The following TEX9 variants were observed in gnomAD, a reference collection of about 807,000 sequenced individuals.
TEX9 encodes the protein testis-expressed protein 9.
In TEX9, 74 loss-of-function variants were observed where a neutral mutation model predicts 59.6. That is an observed-to-expected ratio of 1.24 (90% confidence interval 1.03 to 1.51). The LOEUF is 1.51. TEX9 is among the 40% of genes most tolerant of loss of function. The pLI is 0.00. For missense variants in TEX9, 522 were observed against 447.8 expected, an observed-to-expected ratio of 1.17 and a Z score of -1.49; for synonymous variants, 186 against 152.2, an observed-to-expected ratio of 1.22 and a Z score of -1.64.
At chr15:56,404,683 G>GT (rs2048980962) in intron 9 of TEX9, among the ~76,000 whole-genome samples, 1 of 152,094 alleles carries the variant, frequency 6.6e-6, no homozygotes, top group African/African-American at 2.4e-5. Flanking sequence ...ACATGCACAC[G>GT]TATGTTTATT....
At chr15:56,283,049 G>GGTGTGTGT (rs3985761) in intron 1 of TEX9, among the ~76,000 whole-genome samples, 1,488 of 148,538 alleles carry the variant, frequency 0.01, 12 homozygotes, top group African/African-American at 0.021. Flanking sequence ...TACATTGTGT[G>GGTGTGTGT]GTGTGTGTGT....
intron 1 of TEX9, among the ~76,000 whole-genome samples, chr15:56,327,428 T>C (rs988019438): frequency 5.3e-5 from 8 of 152,242 alleles, no homozygotes; most frequent in Middle Eastern, 3.4e-3. Flanking sequence ...AAGAATACCA[T>C]TGGAGGGGGT....
chr15:56,266,121 A>G (rs944098516), intron 1 of TEX9, among the ~76,000 whole-genome samples: 1 of 151,620 alleles, frequency 6.6e-6, no homozygotes. Context: ...GCTTGTCATT[A>G]TGTAATTTCT....
At chr15:56,315,913 G>A (rs555606357) in intron 1 of TEX9, among the ~76,000 whole-genome samples, 32 of 151,038 alleles carry the variant, frequency 2.1e-4, no homozygotes, top group African/African-American at 6.5e-4. Flanking sequence ...ATCTTCCATC[G>A]CTGATACCCT....
intron 9 of TEX9, among the ~76,000 whole-genome samples, chr15:56,404,685 A>G (rs2048981181): frequency 6.6e-6 from 1 of 152,344 alleles, no homozygotes; most frequent in South Asian, 2.1e-4. Flanking sequence ...ATGCACACGT[A>G]TGTTTATTGT....
intron 1 of TEX9, among the ~76,000 whole-genome samples, chr15:56,327,642 C>T (rs1235257063): frequency 6.6e-6 from 1 of 152,174 alleles, no homozygotes; most frequent in African/African-American, 2.4e-5. Flanking sequence ...CACTCCTCCC[C>T]CATGCCATCA....
chr15:56,388,967 G>A (rs1230818902), intron 5 of TEX9, among the ~76,000 whole-genome samples: 2 of 152,036 alleles, frequency 1.3e-5, no homozygotes, highest in African/African-American at 4.8e-5. Flanking sequence ...CAAGGGAACT[G>A]TATACCTGAA....
chr15:56,362,676 C>T (rs558559653), upstream of TEX9, among the ~76,000 whole-genome samples: 141 of 152,248 alleles, frequency 9.3e-4, no homozygotes, highest in East Asian at 3.9e-4. Flanking sequence ...CACTAGCGCC[C>T]CCCAAACCCT....
intron 1 of TEX9, among the ~76,000 whole-genome samples, chr15:56,289,913 T>C (rs1300370891): frequency 1.3e-5 from 2 of 152,192 alleles, no homozygotes; most frequent in African/African-American, 4.8e-5. Context: ...ACAGACATGC[T>C]CGGAGTTACA....
chr15:56,421,862 A>G (rs999286660), intron 10 of TEX9: 2 of 151,486 alleles, frequency 1.3e-5, no homozygotes, highest in Non-Finnish European at 2.9e-5. Flanking sequence ...AATTCAGTCT[A>G]TCATTGTTGG....
chr15:56,283,037 T>A (rs1345111540), intron 1 of TEX9, among the ~76,000 whole-genome samples: 3 of 138,890 alleles, frequency 2.2e-5, no homozygotes. Flanking sequence ...ATTTATAGTG[T>A]GTACATTGTG....
At chr15:56,261,587 A>T (rs1024297951) in intron 1 of TEX9, among the ~76,000 whole-genome samples, 1 of 151,992 alleles carries the variant, frequency 6.6e-6, no homozygotes, top group South Asian at 2.1e-4. Flanking sequence ...GCGCAGTAGC[A>T]TGTGCCTGTA....
intron 1 of TEX9, among the ~76,000 whole-genome samples, chr15:56,271,032 G>C (rs529918661): frequency 1.1e-4 from 17 of 152,290 alleles, no homozygotes; most frequent in Non-Finnish European, 1.9e-4. Context: ...TTCCCTTTGT[G>C]GGTAACATGA....
intron 1 of TEX9, among the ~76,000 whole-genome samples, chr15:56,255,477 T>TA (rs2044125060): frequency 6.6e-6 from 1 of 151,520 alleles, no homozygotes. Context: ...ATTTCTTTAA[T>TA]AAAAAAATCT....
At chr15:56,271,746 T>G (rs2044537418) in intron 1 of TEX9, among the ~76,000 whole-genome samples, 1 of 152,264 alleles carries the variant, frequency 6.6e-6, no homozygotes, top group Non-Finnish European at 1.5e-5. Context: ...TTTTATCATT[T>G]AAAGTAAGTT....
At position 56,272,639 on chromosome 15, in the gene TEX9, G is replaced by A. The variant is rs184284550; in HGVS notation, c.-107+28361G>A. ...TTGGGCATATACATAGGAGTAGAAC[G>A]GCTGAGTCATGTGGTAACTCTATTT... On this transcript the variant is annotated intron_variant, in intron 1 of 5. Transcript: ENST00000560827. Among the ~76,000 whole-genome samples the A allele has an allele frequency of 4.6e-5, 7 of 152,218 alleles. No individual in the cohort carries two copies. In the East Asian group the frequency reaches 7.7e-4, roughly 17 times the overall value.
At chr15:56,403,294 A>T (rs1279720887) in intron 9 of TEX9, among the ~76,000 whole-genome samples, 1 of 152,250 alleles carries the variant, frequency 6.6e-6, no homozygotes, top group African/African-American at 2.4e-5. Flanking sequence ...AAGTCTCAGG[A>T]TACAAAATCA....
intron 1 of TEX9, among the ~76,000 whole-genome samples, chr15:56,251,300 G>C (rs1178870256): frequency 6.6e-6 from 1 of 152,072 alleles, no homozygotes; most frequent in East Asian, 1.9e-4. Flanking sequence ...ATTCAGCAAA[G>C]CCTCAGGTTG....
At chr15:56,295,988 C>T (rs1355516674) in intron 1 of TEX9, among the ~76,000 whole-genome samples, 1 of 152,190 alleles carries the variant, frequency 6.6e-6, no homozygotes, top group African/African-American at 2.4e-5. Context: ...CTCTCTACCT[C>T]TGCCCACTGG....
Sources: allele counts gnomAD v4.1 joint callset (sites outside exome capture counted in the v4.1 genomes callset), GRCh38; gene constraint gnomAD v4.1.1; transcripts MANE v1.5; gene names NCBI Gene and HGNC (gene_info 2026-07-23, HGNC 2026-07-21).